PAX7: variants seen among roughly 807,000 people sequenced by gnomAD.
PAX7 encodes the protein paired box protein Pax-7.
A neutral mutation model predicts 50.7 loss-of-function variants in PAX7; 18 were observed. The ratio of observed to expected loss-of-function variants is 0.36; its 90% CI spans 0.25 to 0.53. PAX7 has a LOEUF of 0.53. Ranked by LOEUF, PAX7 falls within the 20% of genes least tolerant of loss-of-function variation. The probability of loss-of-function intolerance (pLI) is 0.93; values close to 1 mark genes in which losing one functional copy is unlikely to be tolerated. For missense variants in PAX7, 644 were observed against 702.9 expected (o/e 0.92, Z 0.95); for synonymous variants, 310 against 290.4 (o/e 1.07, Z -0.69).
At chr1:18,714,068 G>C (rs959546314) in intron 7 of PAX7, among the ~76,000 whole-genome samples, 1 of 152,044 alleles carries the variant, frequency 6.6e-6, no homozygotes, top group Admixed American at 6.6e-5. Flanking sequence ...AAAATTAGCC[G>C]GGCATGGTGG....
chr1:18,630,854 T>G lies in PAX7; in HGVS notation c.-750T>G, dbSNP rs1225935206. Among the ~76,000 whole-genome samples, 4 of 152,028 alleles carry G rather than the reference T, an allele frequency of 2.6e-5. No individual in the cohort carries two copies. Among genetic ancestry groups the G allele is most frequent in the Non-Finnish European group, 5.9e-5 (4 of 68,006 alleles). The stretch of plus-strand genomic sequence containing the variant: ...CTCCTCGTACTTCGGTGAACACTTT[T>G]GCACAACTTACCCAGCTGATCACTC... On this transcript the variant is annotated 5_prime_UTR_variant, in exon 1 of 9. Transcript: ENST00000420770.
intron 4 of PAX7, among the ~76,000 whole-genome samples, chr1:18,648,585 C>T (rs1295287134): frequency 6.6e-6 from 1 of 152,132 alleles, no homozygotes; most frequent in Non-Finnish European, 1.5e-5. Flanking sequence ...TCAAGCGATC[C>T]TCCCATCTTG....
intron 4 of PAX7, among the ~76,000 whole-genome samples, chr1:18,662,016 T>A (rs1364947221): frequency 1.3e-5 from 2 of 151,852 alleles, no homozygotes; most frequent in Admixed American, 1.3e-4. Context: ...CTTTGTTTAT[T>A]TTGGGGGCCC....
chr1:18,634,526 C>T lies in PAX7; in HGVS notation c.309C>T (p.Gly103=), dbSNP rs758011233. The stretch of plus-strand genomic sequence containing the variant: ...CCATCCGGCCTGGGGCCATCGGCGG[C>T]AGCAAGCCCAGAGTGAGTGTCTTTG... ...TGSIRPGAIG[G]SKPRQVATPD... The change falls in exon 2 of 9, where the codon GGC becomes GGT. Residue 103 remains glycine, a synonymous_variant. Transcript: ENST00000420770. The surrounding 1 kb of genome is among the most constrained non-coding windows in gnomAD (Gnocchi z 4.0). 1 of 1,613,864 alleles carries T rather than the reference C, an allele frequency of 6.2e-7. No homozygotes were observed. The highest frequency in any genetic ancestry group is 1.1e-5 in the South Asian group (1 of 91,080).
At chr1:18,724,963 G>A (rs1429275360) in intron 7 of PAX7, among the ~76,000 whole-genome samples, 1 of 152,224 alleles carries the variant, frequency 6.6e-6, no homozygotes, top group Non-Finnish European at 1.5e-5. Flanking sequence ...TCGACCTGCT[G>A]TGGGGAGGAG....
At chr1:18,741,761 G>A (rs984550738) in intron 8 of PAX7, among the ~76,000 whole-genome samples, 3 of 152,216 alleles carry the variant, frequency 2.0e-5, no homozygotes, top group East Asian at 3.9e-4. Flanking sequence ...TGGACAGATC[G>A]CTTACATTGC....
intron 4 of PAX7, among the ~76,000 whole-genome samples, chr1:18,665,672 C>CTTTTTT (rs3079732): frequency 1.1e-4 from 14 of 122,256 alleles, no homozygotes; most frequent in African/African-American, 2.0e-4. Flanking sequence ...TGCGCCCAGC[C>CTTTTTT]TTTTTTTTTT....
intron 4 of PAX7, among the ~76,000 whole-genome samples, chr1:18,661,230 C>T (rs2088595280): frequency 6.6e-6 from 1 of 152,042 alleles, no homozygotes; most frequent in African/African-American, 2.4e-5. Flanking sequence ...TCCCTCCCTT[C>T]AGTGTAAGGG....
rs116686401 is a variant in PAX7, at chr1:18,649,787, T to C, written c.586+13416T>C. On this transcript the variant is annotated intron_variant, in intron 4 of 8. Transcript: ENST00000420770. ...AAAGAATCACAGATTGTGGTTAGGG[T>C]TGGAATTCAGATCCTCATGTAAATG... Among the ~76,000 whole-genome samples the C allele has an allele frequency of 9.4e-3, 1,428 of 152,268 alleles. 18 individuals carry two copies. The highest frequency in any genetic ancestry group is 0.032 in the African/African-American group (1,349 of 41,540).
chr1:18,688,957 C>T (rs1392002166), intron 4 of PAX7, among the ~76,000 whole-genome samples: 1 of 152,064 alleles, frequency 6.6e-6, no homozygotes, highest in African/African-American at 2.4e-5. Flanking sequence ...CTAGGATTTC[C>T]CCCAGGACAA....
Position 18,711,906 on chromosome 1 carries a change from C to T in PAX7, c.1155+8610C>T, listed in dbSNP as rs148380438. On this transcript the variant is annotated intron_variant, in intron 7 of 8. Transcript: ENST00000420770. ...TCTGCCCTCCCCAACTGGCCTTCTG[C>T]ACCCAGGAAGAGCCCAGCTCCCAGA... 6.1e-3 allele frequency among the ~76,000 whole-genome samples: 932 copies of T among 152,238 alleles called. 10 individuals carry two copies. The highest frequency in any genetic ancestry group is 0.021 in the African/African-American group (875 of 41,526).
At position 18,700,077 on chromosome 1, in the gene PAX7, C is replaced by CGTGT. The variant is rs66600721; in HGVS notation, c.787-539_787-536dup. ...TTATCCCACTAATGTTTGATAAATC[C>CGTGT]GTGTGTGTGTGTGTGTGTGTGTGTG... On this transcript the variant is annotated intron_variant, in intron 5 of 8. Transcript: ENST00000420770. The surrounding 1 kb of genome is among the most constrained non-coding windows in gnomAD (Gnocchi z 4.8). 0.035 allele frequency among the ~76,000 whole-genome samples: 5,165 copies of CGTGT among 145,698 alleles called. 110 individuals carry two copies. Among genetic ancestry groups the CGTGT allele is most frequent in the South Asian group, 0.067 (292 of 4,348 alleles).
chr1:18,631,782 C>G (rs2088053315), intron 1 of PAX7, 94 bp downstream of exon 1: 5 of 1,031,654 alleles, frequency 4.8e-6, no homozygotes, highest in Non-Finnish European at 7.4e-6. Flanking sequence ...GTGGCGGCGC[C>G]GGCGATAGCA....
In PAX7 at chr1:18,735,795, A is replaced by C. The variant is rs754222020; in HGVS notation, c.1319A>C (p.Gln440Pro). The change falls in exon 8 of 9, where the codon CAG (glutamine) becomes CCG (proline). Residue 440 changes from glutamine to proline, a missense_variant. Gln to Pro is a moderately conservative substitution (Grantham distance 76). Transcript: ENST00000420770. This position sits in a 1 kb window ranked among gnomAD's most constrained non-coding sequence, Gnocchi z 4.0. ...IKPGDSLPTSQAYCPPTYSTT... is the reference protein window; with the variant it reads ...IKPGDSLPTSPAYCPPTYSTT... ...CCAGGAGACAGCCTGCCCACCTCCC[A>C]GGCCTACTGCCCACCCACCTACAGC... is the stretch of plus-strand genomic sequence containing the variant. 6.2e-7 allele frequency: 1 copy of C among 1,614,088 alleles called. No individual in the cohort carries two copies. The highest frequency in any genetic ancestry group is 1.1e-5 in the South Asian group (1 of 91,070).
intron 5 of PAX7, among the ~76,000 whole-genome samples, chr1:18,692,578 G>A (rs2100298528): frequency 6.7e-6 from 1 of 149,456 alleles, no homozygotes; most frequent in Non-Finnish European, 1.5e-5. Context: ...GGGAGGGAGG[G>A]CATTAGTTCA....
chr1:18,681,910 T>C lies in PAX7; in HGVS notation c.587-9844T>C, dbSNP rs796329155. On this transcript the variant is annotated intron_variant, in intron 4 of 8. Coordinates refer to ENST00000420770, the MANE Select transcript of PAX7 (RefSeq NM_001135254.2). ...ATGCACCAACATGTCTGGCTAATTTTGTATTTTTAGTAGAGACGGGTTTCA... is the reference window on the plus strand; with the variant it reads ...ATGCACCAACATGTCTGGCTAATTTCGTATTTTTAGTAGAGACGGGTTTCA... Among the ~76,000 whole-genome samples, 3 of 152,214 alleles carry C rather than the reference T, an allele frequency of 2.0e-5. No homozygotes were observed. In the East Asian group the frequency reaches 5.8e-4, roughly 29 times the overall value.
chr1:18,654,499 A>G (rs2088482516), intron 4 of PAX7, among the ~76,000 whole-genome samples: 1 of 150,716 alleles, frequency 6.6e-6, no homozygotes, highest in Non-Finnish European at 1.5e-5. Context: ...GCTCATGTGC[A>G]ATGCCTTCCT....
At chr1:18,635,270 G>C (rs1253335050) in intron 3 of PAX7, 30 bp downstream of exon 3, 1 of 1,611,446 alleles carries the variant, frequency 6.2e-7, no homozygotes, top group South Asian at 1.1e-5. Context: ...GGCAGAGCTG[G>C]CCCAGAGTGT....
intron 4 of PAX7, among the ~76,000 whole-genome samples, chr1:18,676,143 C>T (rs1417098920): frequency 6.6e-6 from 1 of 152,192 alleles, no homozygotes; most frequent in Admixed American, 6.5e-5. Context: ...TCCTTATGGC[C>T]ATAAAATTTC....
Sources: allele counts gnomAD v4.1 joint callset (sites outside exome capture counted in the v4.1 genomes callset), GRCh38; gene constraint gnomAD v4.1.1; non-coding constraint Gnocchi (gnomAD v3.1); transcripts MANE v1.5; gene names NCBI Gene and HGNC (gene_info 2026-07-23, HGNC 2026-07-21).